Variants in NXPH1 observed in about 807,000 individuals in gnomAD.
NXPH1 encodes the protein neurexophilin 1.
NXPH1 carries 5 observed loss-of-function variants against 23.7 expected under a neutral mutation model. That is an observed-to-expected ratio of 0.21 (90% CI 0.11 to 0.44). The LOEUF is 0.44. Ranked by LOEUF, NXPH1 falls within the 20% of genes least tolerant of loss-of-function variation. The pLI is 0.99. For missense variants in NXPH1, 324 were observed against 321.6 expected (o/e 1.01, Z -0.06); for synonymous variants, 144 against 122.2 (o/e 1.18, Z -1.18).
At chr7:8,461,824 G>A (rs1479729749) in intron 2 of NXPH1, among the ~76,000 whole-genome samples, 6 of 43,854 alleles carry the variant, frequency 1.4e-4, no homozygotes, top group African/African-American at 7.6e-4. Context: ...GCGACAGAGC[G>A]AGACTCCGTC....
chr7:8,681,175 C>T (rs16874108), intron 2 of NXPH1, among the ~76,000 whole-genome samples: 6,332 of 152,244 alleles, frequency 0.042, 316 homozygotes, highest in East Asian at 0.25. Context: ...AGTCATTTAG[C>T]TTCAGAGCTA....
At chr7:8,736,778 T>G (rs535645098) in intron 2 of NXPH1, among the ~76,000 whole-genome samples, 1 of 152,188 alleles carries the variant, frequency 6.6e-6, no homozygotes, top group Non-Finnish European at 1.5e-5. Flanking sequence ...TTTTTAGGTG[T>G]CTAAAAATTT....
At chr7:8,460,738 C>A (rs969893580) in intron 2 of NXPH1, among the ~76,000 whole-genome samples, 10 of 152,170 alleles carry the variant, frequency 6.6e-5, no homozygotes, top group African/African-American at 2.4e-4. Flanking sequence ...ACCACATGAG[C>A]CTTGCAACGG....
intron 2 of NXPH1, among the ~76,000 whole-genome samples, chr7:8,649,390 C>T (rs919561836): frequency 1.3e-5 from 2 of 151,968 alleles, no homozygotes; most frequent in Non-Finnish European, 2.9e-5. Context: ...GTTCAAACTA[C>T]CTACTTTACA....
chr7:8,568,401 T>G (rs780532710), intron 2 of NXPH1, among the ~76,000 whole-genome samples: 41 of 151,886 alleles, frequency 2.7e-4, no homozygotes, highest in African/African-American at 9.7e-4. Context: ...AAATGATAAA[T>G]TTTTACACAA....
chr7:8,672,675 A>C (rs1354603583), intron 2 of NXPH1, among the ~76,000 whole-genome samples: 1 of 152,148 alleles, frequency 6.6e-6, no homozygotes, highest in Non-Finnish European at 1.5e-5. Flanking sequence ...GTGAGAATAG[A>C]AGTCAGGGAA....
chr7:8,435,746 C>G lies in NXPH1; in HGVS notation c.33C>G (p.Leu11=). 6.2e-7 allele frequency: 1 copy of G among 1,613,886 alleles called. No homozygotes were observed. The highest frequency in any genetic ancestry group is 8.5e-7 in the Non-Finnish European group (1 of 1,179,864). ...CTGCGTGCTGGTACGTGCTTTTCCTCCTGCAGCCCACCGTCTACTTGGTAA... is the reference window on the plus strand; with the variant it reads ...CTGCGTGCTGGTACGTGCTTTTCCTGCTGCAGCCCACCGTCTACTTGGTAA... MQAACWYVLF[L]LQPTVYLVTC... The change falls in exon 2 of 3, where the codon CTC becomes CTG. Residue 11 remains leucine, a synonymous_variant. Transcript: ENST00000405863. This position sits in a 1 kb window ranked among gnomAD's most constrained non-coding sequence, Gnocchi z 5.9.
At chr7:8,656,798 G>A (rs998609621) in intron 2 of NXPH1, among the ~76,000 whole-genome samples, 2 of 151,796 alleles carry the variant, frequency 1.3e-5, no homozygotes, top group East Asian at 3.9e-4. Context: ...GCGGTGTTTG[G>A]TTTTTTGTTC....
intron 2 of NXPH1, among the ~76,000 whole-genome samples, chr7:8,714,238 A>G (rs1779842708): frequency 6.6e-6 from 1 of 151,984 alleles, no homozygotes; most frequent in Admixed American, 6.5e-5. Context: ...CATGGAGAGT[A>G]TTGCCAGGCT....
intron 2 of NXPH1, among the ~76,000 whole-genome samples, chr7:8,747,672 T>G (rs1349073460): frequency 6.6e-6 from 1 of 152,234 alleles, no homozygotes; most frequent in African/African-American, 2.4e-5. Context: ...ATTTGTTTTA[T>G]ACTGAGGCAT....
At chr7:8,634,432 C>A (rs1256821014) in intron 2 of NXPH1, among the ~76,000 whole-genome samples, 1 of 152,032 alleles carries the variant, frequency 6.6e-6, no homozygotes, top group East Asian at 1.9e-4. Context: ...TAAATTAAGT[C>A]TTTTACTTTG....
At chr7:8,593,175 T>TA in intron 2 of NXPH1, among the ~76,000 whole-genome samples, 1 of 151,824 alleles carries the variant, frequency 6.6e-6, no homozygotes, top group African/African-American at 2.4e-5. Context: ...AGAAGCATTT[T>TA]TTTTTTTTTT....
At chr7:8,726,783 C>T (rs904599247) in intron 2 of NXPH1, among the ~76,000 whole-genome samples, 18 of 149,714 alleles carry the variant, frequency 1.2e-4, no homozygotes, top group Non-Finnish European at 2.5e-4. Flanking sequence ...GTGAATAATG[C>T]CGCAATAAAC....
chr7:8,538,854 T>A (rs1355484237), intron 2 of NXPH1, among the ~76,000 whole-genome samples: 3 of 152,068 alleles, frequency 2.0e-5, no homozygotes, highest in African/African-American at 7.2e-5. Flanking sequence ...TGTATGGATT[T>A]GAGCAGAAGG....
At chr7:8,709,083 G>C (rs535780496) in intron 2 of NXPH1, among the ~76,000 whole-genome samples, 2 of 152,134 alleles carry the variant, frequency 1.3e-5, no homozygotes, top group East Asian at 1.9e-4. Flanking sequence ...GTAATTATAT[G>C]ATATGACAGT....
At chr7:8,465,100 G>T (rs1027059181) in intron 2 of NXPH1, among the ~76,000 whole-genome samples, 2 of 152,088 alleles carry the variant, frequency 1.3e-5, no homozygotes, top group Non-Finnish European at 2.9e-5. Context: ...AGAAACAGTG[G>T]GACTTAGAAA....
intron 2 of NXPH1, among the ~76,000 whole-genome samples, chr7:8,492,061 A>C (rs1437360550): frequency 1.3e-5 from 2 of 152,040 alleles, no homozygotes; most frequent in Non-Finnish European, 2.9e-5. Context: ...AATGTTTTAC[A>C]AAAGGGTCTC....
chr7:8,558,168 A>G (rs997659802), intron 2 of NXPH1, among the ~76,000 whole-genome samples: 2 of 151,686 alleles, frequency 1.3e-5, no homozygotes, highest in African/African-American at 2.4e-5. Context: ...TAGGTTTTAT[A>G]TGGGTTTCTT....
At chr7:8,546,555 G>A (rs945743456) in intron 2 of NXPH1, among the ~76,000 whole-genome samples, 1 of 151,478 alleles carries the variant, frequency 6.6e-6, no homozygotes, top group East Asian at 2.0e-4. Context: ...CAGTAGGTCT[G>A]GAGTAGAGCT....
Sources: allele counts gnomAD v4.1 joint callset (sites outside exome capture counted in the v4.1 genomes callset), GRCh38; gene constraint gnomAD v4.1.1; non-coding constraint Gnocchi (gnomAD v3.1); transcripts MANE v1.5; gene names NCBI Gene and HGNC (gene_info 2026-07-23, HGNC 2026-07-21).